Variants in HEATR5A observed in about 807,000 individuals in gnomAD.
HEATR5A encodes HEAT repeat containing 5A.
In HEATR5A, 178 loss-of-function variants were observed where a neutral mutation model predicts 218.8. That is an observed-to-expected ratio of 0.81 (90% CI 0.72 to 0.92). HEATR5A has a LOEUF of 0.92. Ranked by LOEUF, HEATR5A falls within the 40% of genes least tolerant of loss-of-function variation. The pLI, the probability that HEATR5A is intolerant of heterozygous loss-of-function variation, is 0.00. For missense variants in HEATR5A, 2,420 were observed against 2,418.9 expected, an observed-to-expected ratio of 1.00 and a Z score of -0.01; for synonymous variants, 864 against 871.6, an observed-to-expected ratio of 0.99 and a Z score of 0.15.
intron 3 of HEATR5A, among the ~76,000 whole-genome samples, chr14:31,399,028 CTA>C (rs34959389): frequency 0.17 from 26,182 of 152,090 alleles, 3,050 homozygotes; most frequent in Non-Finnish European, 0.26. Context: ...AGATTTACCC[CTA>C]TGTTTTTTCC....
chr14:31,372,002 G>T, intron 12 of HEATR5A, 93 bp from the exon 13 acceptor site: 2 of 530,780 alleles, frequency 3.8e-6, no homozygotes, highest in Non-Finnish European at 3.3e-6. Flanking sequence ...TGTTATTAGA[G>T]TAATAAAGCA....
At chr14:31,328,795 G>A (rs764191109) in intron 22 of HEATR5A, among the ~76,000 whole-genome samples, 53 of 151,812 alleles carry the variant, frequency 3.5e-4, no homozygotes, top group East Asian at 7.8e-4. Context: ...CAGGAGAATC[G>A]CTTGAACCCA....
chr14:31,307,635 C>T (rs1030844833), intron 30 of HEATR5A, among the ~76,000 whole-genome samples: 1 of 152,170 alleles, frequency 6.6e-6, no homozygotes, highest in Non-Finnish European at 1.5e-5. Flanking sequence ...TGGCTACTGT[C>T]CTGGACAATG....
chr14:31,385,838 G>A (rs751850354), intron 9 of HEATR5A, among the ~76,000 whole-genome samples: 2 of 151,792 alleles, frequency 1.3e-5, no homozygotes, highest in African/African-American at 2.4e-5. Context: ...AGCGATTCTC[G>A]TGCCTCAGCC....
chr14:31,416,562 C>G (rs1230971530), intron 1 of HEATR5A, among the ~76,000 whole-genome samples: 2 of 151,156 alleles, frequency 1.3e-5, no homozygotes, highest in Non-Finnish European at 2.9e-5. Flanking sequence ...TTAATATGGC[C>G]ATATTATGCT....
At chr14:31,331,101 T>G (rs1900454206) in intron 22 of HEATR5A, among the ~76,000 whole-genome samples, 1 of 151,620 alleles carries the variant, frequency 6.6e-6, no homozygotes, top group Non-Finnish European at 1.5e-5. Flanking sequence ...CCACCACGCA[T>G]GGCTAAGTTT....
intron 19 of HEATR5A, among the ~76,000 whole-genome samples, chr14:31,345,684 T>C (rs2139208480): frequency 6.6e-6 from 1 of 152,342 alleles, no homozygotes; most frequent in South Asian, 2.1e-4. Context: ...ATATGTTGTA[T>C]GATTCCATTT....
At chr14:31,339,577 TTTGTTGTTG>T (rs200357148) in intron 21 of HEATR5A, among the ~76,000 whole-genome samples, 1 of 152,074 alleles carries the variant, frequency 6.6e-6, no homozygotes, top group Admixed American at 6.6e-5. Context: ...TGAGTAGTTT[TTTGTTGTTG>T]TTGTTGTTGT....
chr14:31,342,877 T>G (rs967306278), intron 21 of HEATR5A, among the ~76,000 whole-genome samples: 7 of 152,196 alleles, frequency 4.6e-5, no homozygotes, highest in African/African-American at 1.7e-4. Flanking sequence ...GATTCTGAGG[T>G]TCTTTCAAGC....
Position 31,345,179 on chromosome 14 carries a change from A to G in HEATR5A, c.2966T>C (p.Leu989Ser). The change falls in exon 20 of 36, where the codon TTG becomes TCG. Residue 989 changes from leucine (L) to serine (S), a missense_variant. Physicochemically the swap from Leu to Ser is moderately radical, Grantham distance 145. Coordinates refer to ENST00000543095, the MANE Select transcript of HEATR5A (RefSeq NM_015473.4). ...AGCATGAGTAGGAGGCACATTTAAC[A>G]ACAACATTATAATAAGAGAAAGGGT... is the stretch of plus-strand genomic sequence containing the variant. ...EPTLSLIIML[L>S]LNVPPTHAEV... 6.2e-7 allele frequency: 1 copy of G among 1,613,938 alleles called. No individual in the cohort carries two copies. The highest frequency in any genetic ancestry group is 1.7e-5 in the Admixed American group (1 of 60,022).
intron 10 of HEATR5A, among the ~76,000 whole-genome samples, chr14:31,383,211 T>C (rs1425532727): frequency 6.6e-6 from 1 of 152,344 alleles, no homozygotes; most frequent in African/African-American, 2.4e-5. Flanking sequence ...TTCTTTCTAC[T>C]TATATTGAAA....
intron 22 of HEATR5A, among the ~76,000 whole-genome samples, chr14:31,328,627 C>T (rs1900353422): frequency 6.6e-6 from 1 of 152,108 alleles, no homozygotes; most frequent in Non-Finnish European, 1.5e-5. Flanking sequence ...CGCCCATAAT[C>T]CCAGCACTTT....
Position 31,402,762 on chromosome 14 carries a change from GGT to G in HEATR5A, c.126+86_126+87del, listed in dbSNP as rs1483968659. 2.4e-6 allele frequency: 3 copies of G among 1,243,668 alleles called. No homozygotes were observed. In the Admixed American group the frequency reaches 7.0e-5, roughly 29 times the overall value. 77.0% of individuals were successfully genotyped at this position (1,243,668 alleles called of 1,614,324 possible). On this transcript the variant is annotated intron_variant, in intron 2 of 35. Transcript: ENST00000543095. ...AGTCTAACATTGTAAAGCTAAATTA[GGT>G]TATTCTGGAAAAAACTAGAAAAGCA... is the stretch of plus-strand genomic sequence containing the variant.
intron 3 of HEATR5A, among the ~76,000 whole-genome samples, chr14:31,398,987 C>G (rs746923430): frequency 1.3e-5 from 2 of 152,072 alleles, no homozygotes; most frequent in Non-Finnish European, 2.9e-5. Flanking sequence ...GGTGCTGTGT[C>G]TAAGAAACAC....
rs562328958 is a variant in HEATR5A, at chr14:31,315,023, C to T, written c.4218+747G>A. Among the ~76,000 whole-genome samples, 17 of 152,046 alleles carry T rather than the reference C, an allele frequency of 1.1e-4. 1 individual carries two copies. The South Asian group carries it at 2.7e-3, about 24-fold the overall frequency. On this transcript the variant is annotated intron_variant, in intron 27 of 35. Transcript: ENST00000543095. ...CCCCATCTCTACTAAAAATACAAAA[C>T]TTAGCTGGGCGTGGTGATGCATACC...
At chr14:31,336,218 ATATATATATATATATAT>A (rs1319833173) in intron 22 of HEATR5A, among the ~76,000 whole-genome samples, 1 of 1,526 alleles carries the variant, frequency 6.6e-4, no homozygotes, top group Non-Finnish European at 2.1e-3. Flanking sequence ...ACATACATAC[ATATATATATATATATAT>A]ATATATATAT....
intron 26 of HEATR5A, 27 bp from the exon 27 acceptor site, chr14:31,315,976 A>AT: frequency 6.7e-7 from 1 of 1,496,416 alleles, no homozygotes; most frequent in East Asian, 2.5e-5. Flanking sequence ...TAAAAGTTAT[A>AT]TTTTAAAATT....
chr14:31,335,052 T>G (rs781002214), intron 22 of HEATR5A, among the ~76,000 whole-genome samples: 2 of 151,146 alleles, frequency 1.3e-5, no homozygotes, highest in East Asian at 3.9e-4. Flanking sequence ...GGCAAGACCC[T>G]CTACCAGCAA....
chr14:31,403,292 C>T (rs902837795), intron 1 of HEATR5A, among the ~76,000 whole-genome samples: 2 of 152,078 alleles, frequency 1.3e-5, no homozygotes, highest in Admixed American at 6.6e-5. Context: ...CAAAAACTTG[C>T]TAAACAGAAG....
Sources: allele counts gnomAD v4.1 joint callset (sites outside exome capture counted in the v4.1 genomes callset), GRCh38; gene constraint gnomAD v4.1.1; transcripts MANE v1.5; gene names NCBI Gene and HGNC (gene_info 2026-07-23, HGNC 2026-07-21).